The following SNAPC1 variants were observed in gnomAD, a reference collection of about 807,000 sequenced individuals.
The protein encoded by SNAPC1 is snRNA-activating protein complex subunit 1.
SNAPC1 carries 42 observed loss-of-function variants against 50.1 expected under a neutral mutation model. The observed-to-expected ratio is 0.84, with a 90% CI of 0.65 to 1.08. SNAPC1 has a LOEUF of 1.08. SNAPC1 is among the 50% of genes least tolerant of loss of function. SNAPC1 has a pLI of 0.00. For synonymous variants in SNAPC1, 164 were observed against 144.2 expected (o/e 1.14, Z -0.98); for missense variants, 477 against 427.3 (o/e 1.12, Z -1.02).
At position 61,762,981 on chromosome 14, in the gene SNAPC1, C is replaced by CTTTTTTTTTTTTT. The variant is rs145378546; in HGVS notation, c.128+408_128+420dup. Among the ~76,000 whole-genome samples, 159 of 73,034 alleles carry CTTTTTTTTTTTTT rather than the reference C, an allele frequency of 2.2e-3. 22 individuals carry two copies. Among genetic ancestry groups the CTTTTTTTTTTTTT allele is most frequent in the African/African-American group, 3.6e-3 (67 of 18,822 alleles). 47.9% of individuals were successfully genotyped at this position (73,034 alleles called of 152,430 possible). Reference sequence around the variant, plus strand: ...TTTTTCCTCCAACAACCAAAGTTGTCTTTTTTTTTTTTTTTTTTTTTTTTT... The same window carrying CTTTTTTTTTTTTT: ...TTTTTCCTCCAACAACCAAAGTTGTCTTTTTTTTTTTTTTTTTTTTTTTTTTTTTTTTTTTTTT... On this transcript the variant is annotated intron_variant, in intron 1 of 9. Coordinates refer to ENST00000216294, the MANE Select transcript of SNAPC1 (RefSeq NM_003082.4).
intron 1 of SNAPC1, among the ~76,000 whole-genome samples, chr14:61,763,443 T>G (rs2044923208): frequency 6.6e-6 from 1 of 150,600 alleles, no homozygotes; most frequent in African/African-American, 2.4e-5. Context: ...CAGCTTCGCC[T>G]GCCAGTCCCC....
chr14:61,770,797 C>T (rs1356494028), intron 4 of SNAPC1, among the ~76,000 whole-genome samples: 1 of 151,918 alleles, frequency 6.6e-6, no homozygotes, highest in Non-Finnish European at 1.5e-5. Context: ...TGCAGTGGCG[C>T]AATTTTGGCT....
chr14:61,773,577 TA>T (rs2045011225), intron 4 of SNAPC1, among the ~76,000 whole-genome samples: 1 of 151,150 alleles, frequency 6.6e-6, no homozygotes, highest in Admixed American at 6.6e-5. Context: ...TGTATTTTTT[TA>T]GTAGAGACAA....
At chr14:61,763,541 A>G (rs1594897768) in intron 1 of SNAPC1, among the ~76,000 whole-genome samples, 3 of 129,420 alleles carry the variant, frequency 2.3e-5, no homozygotes, top group Admixed American at 1.9e-4. Context: ...CTAATCCTGG[A>G]GTTTCCACCG....
At chr14:61,765,171 A>T (rs1048451764) in intron 1 of SNAPC1, among the ~76,000 whole-genome samples, 1 of 152,196 alleles carries the variant, frequency 6.6e-6, no homozygotes, top group African/African-American at 2.4e-5. Context: ...AGACTGTTAC[A>T]TTGACTTTTT....
intron 1 of SNAPC1, among the ~76,000 whole-genome samples, chr14:61,766,485 A>G (rs1184512689): frequency 6.6e-6 from 1 of 152,258 alleles, no homozygotes; most frequent in Non-Finnish European, 1.5e-5. Context: ...CTGAAGAAAT[A>G]AAATTTACGT....
At chr14:61,794,798 G>A in intron 9 of SNAPC1, 151 bp from the exon 10 acceptor site, 2 of 650,734 alleles carry the variant, frequency 3.1e-6, no homozygotes, top group South Asian at 3.4e-5. Context: ...TTTGCTGTGA[G>A]GGCATTCTTA....
At chr14:61,767,183 G>A (rs374459392) in intron 2 of SNAPC1, 29 bp from the exon 3 acceptor site, 2 of 1,401,518 alleles carry the variant, frequency 1.4e-6, no homozygotes, top group Admixed American at 2.7e-5. Flanking sequence ...TTTACATTTA[G>A]TACAACTTTT....
intron 8 of SNAPC1, among the ~76,000 whole-genome samples, chr14:61,783,433 A>G (rs2045091998): frequency 6.6e-6 from 1 of 150,864 alleles, no homozygotes; most frequent in African/African-American, 2.4e-5. Flanking sequence ...TTTTAGCTGT[A>G]TTAAGATGTC....
At chr14:61,775,292 A>AC in intron 4 of SNAPC1, among the ~76,000 whole-genome samples, 1 of 148,630 alleles carries the variant, frequency 6.7e-6, no homozygotes, top group South Asian at 2.1e-4. Flanking sequence ...TTGCTCTGTT[A>AC]CCCCTGCTGG....
chr14:61,785,651 T>TGTAA (rs2045110946), intron 8 of SNAPC1, among the ~76,000 whole-genome samples: 1 of 152,220 alleles, frequency 6.6e-6, no homozygotes, highest in Admixed American at 6.5e-5. Flanking sequence ...CATCAATATG[T>TGTAA]GTAAGTCGTA....
intron 7 of SNAPC1, among the ~76,000 whole-genome samples, chr14:61,781,216 G>A (rs538727168): frequency 2.2e-4 from 33 of 152,140 alleles, no homozygotes; most frequent in African/African-American, 6.5e-4. Context: ...TTGGGAGGCC[G>A]AGGTGGGCGG....
At chr14:61,774,222 G>A (rs1157920819) in intron 4 of SNAPC1, among the ~76,000 whole-genome samples, 1 of 142,916 alleles carries the variant, frequency 7.0e-6, no homozygotes, top group Admixed American at 7.1e-5. Flanking sequence ...AGTTGGCCTT[G>A]AATTCCTGGG....
At chr14:61,781,882 C>T (rs946633307) in intron 7 of SNAPC1, among the ~76,000 whole-genome samples, 1 of 152,222 alleles carries the variant, frequency 6.6e-6, no homozygotes, top group Non-Finnish European at 1.5e-5. Flanking sequence ...ATGGCCAAAC[C>T]TGGAGCCAAG....
At chr14:61,794,484 C>T (rs557378572) in intron 9 of SNAPC1, among the ~76,000 whole-genome samples, 2 of 152,280 alleles carry the variant, frequency 1.3e-5, no homozygotes, top group Non-Finnish European at 2.9e-5. Flanking sequence ...TGGCTCACTG[C>T]AACCTCCACC....
At chr14:61,779,220 T>A (rs2045054793) in intron 7 of SNAPC1, among the ~76,000 whole-genome samples, 1 of 152,214 alleles carries the variant, frequency 6.6e-6, no homozygotes, top group Non-Finnish European at 1.5e-5. Flanking sequence ...TTTTGCTTTG[T>A]CCCTGGAGTT....
intron 1 of SNAPC1, among the ~76,000 whole-genome samples, chr14:61,765,547 T>G (rs975006447): frequency 6.6e-6 from 1 of 152,240 alleles, no homozygotes; most frequent in Admixed American, 6.5e-5. Context: ...GGTCACAGAT[T>G]GGTGATACAC....
intron 3 of SNAPC1, 123 bp downstream of exon 3, chr14:61,767,475 T>G (rs2044956880): frequency 5.2e-6 from 3 of 582,384 alleles, no homozygotes; most frequent in Non-Finnish European, 7.8e-6. Flanking sequence ...TTAGCTTTTT[T>G]TTTTTTTAGA....
At chr14:61,772,392 G>A (rs530760864) in intron 4 of SNAPC1, among the ~76,000 whole-genome samples, 7 of 152,282 alleles carry the variant, frequency 4.6e-5, no homozygotes, top group South Asian at 4.1e-4. Context: ...TTACAGGCAC[G>A]TGCCACCACG....
Sources: gnomAD v4.1 joint callset for allele counts (sites outside exome capture counted in the v4.1 genomes callset) on GRCh38, gnomAD v4.1.1 for gene constraint, MANE v1.5 for transcripts, NCBI Gene and HGNC (gene_info 2026-07-23, HGNC 2026-07-21) for gene names.